ACKR2: variants seen among roughly 807,000 people sequenced by gnomAD.
ACKR2 encodes atypical chemokine receptor 2.
For synonymous variants in ACKR2, 207 were observed against 192.2 expected, an observed-to-expected ratio of 1.08 and a Z score of -0.64; for missense variants, 457 against 477.3, an observed-to-expected ratio of 0.96 and a Z score of 0.40.
intron 1 of ACKR2, among the ~76,000 whole-genome samples, chr3:42,810,415 C>G: frequency 6.6e-6 from 1 of 151,888 alleles, no homozygotes; most frequent in East Asian, 1.9e-4. Context: ...GTACCCCCCC[C>G]CAATTTTTCT....
intron 2 of ACKR2, among the ~76,000 whole-genome samples, chr3:42,822,627 T>C (rs1485563542): frequency 6.6e-6 from 1 of 151,792 alleles, no homozygotes; most frequent in Non-Finnish European, 1.5e-5. Flanking sequence ...CCAAGGCAGG[T>C]GGACTACTTG....
intron 2 of ACKR2, among the ~76,000 whole-genome samples, chr3:42,832,429 C>T (rs992888636): frequency 6.6e-6 from 1 of 151,778 alleles, no homozygotes; most frequent in Admixed American, 6.6e-5. Context: ...GCAGAGGTTG[C>T]AGTGAGCTGA....
intron 1 of ACKR2, among the ~76,000 whole-genome samples, chr3:42,809,869 A>C (rs1700677367): frequency 6.6e-6 from 1 of 152,106 alleles, no homozygotes; most frequent in Admixed American, 6.6e-5. Flanking sequence ...CTCAAAAAAA[A>C]AAAAAAAGTT....
chr3:42,821,017 T>C (rs1337517081), intron 2 of ACKR2, among the ~76,000 whole-genome samples: 1 of 152,102 alleles, frequency 6.6e-6, no homozygotes, highest in African/African-American at 2.4e-5. Context: ...CCCGAGTAGC[T>C]GGGATTACAG....
chr3:42,817,072 C>T (rs990095156), intron 1 of ACKR2, among the ~76,000 whole-genome samples: 7 of 152,110 alleles, frequency 4.6e-5, no homozygotes, highest in African/African-American at 1.7e-4. Flanking sequence ...TTCATCAACA[C>T]AATGGGGATA....
At chr3:42,847,912 C>T (rs995905008) in intron 2 of ACKR2, among the ~76,000 whole-genome samples, 1 of 152,118 alleles carries the variant, frequency 6.6e-6, no homozygotes, top group Non-Finnish European at 1.5e-5. Flanking sequence ...TTCAGGGAAA[C>T]GGGAAACCTA....
At chr3:42,830,680 TTTTTC>T (rs1700923120) in intron 2 of ACKR2, among the ~76,000 whole-genome samples, 1 of 141,156 alleles carries the variant, frequency 7.1e-6, no homozygotes, top group African/African-American at 2.5e-5. Flanking sequence ...AGTTCTGCCT[TTTTTC>T]TTTTCTTTTT....
intron 2 of ACKR2, among the ~76,000 whole-genome samples, chr3:42,847,472 T>A (rs1453622989): frequency 6.6e-6 from 1 of 152,188 alleles, no homozygotes; most frequent in African/African-American, 2.4e-5. Flanking sequence ...CTAACCAGGC[T>A]TCTAAATTGG....
In ACKR2 at chr3:42,817,725, C is replaced by T. The variant is rs117655048; in HGVS notation, c.-118-1906C>T. Among the ~76,000 whole-genome samples the T allele has an allele frequency of 1.6e-3, 249 of 152,300 alleles. 4 individuals are homozygous for T. In the East Asian group the frequency reaches 0.042, roughly 25 times the overall value. The stretch of plus-strand genomic sequence containing the variant: ...ATCCCACATCTTCCCCCCAACCCAG[C>T]TCTCTCAACCCACTGGTTTCCATTC... On this transcript the variant is annotated intron_variant, in intron 1 of 2. Coordinates refer to ENST00000422265, the MANE Select transcript of ACKR2 (RefSeq NM_001296.5).
intron 1 of ACKR2, among the ~76,000 whole-genome samples, chr3:42,814,308 A>C (rs1478737766): frequency 6.6e-6 from 1 of 152,228 alleles, no homozygotes; most frequent in Non-Finnish European, 1.5e-5. Flanking sequence ...AGAAGACTTA[A>C]CACATTATTT....
At chr3:42,820,657 T>C (rs1448510837) in intron 2 of ACKR2, among the ~76,000 whole-genome samples, 6 of 148,540 alleles carry the variant, frequency 4.0e-5, no homozygotes, top group African/African-American at 1.2e-4. Context: ...GCCACCAATG[T>C]CCTTGTGTTA....
At chr3:42,832,034 G>T (rs1349036641) in intron 2 of ACKR2, among the ~76,000 whole-genome samples, 3 of 152,178 alleles carry the variant, frequency 2.0e-5, no homozygotes, top group African/African-American at 7.2e-5. Flanking sequence ...TCATTGTATG[G>T]TTTAATGGTA....
At chr3:42,861,816 C>A (rs980189345) in intron 2 of ACKR2, among the ~76,000 whole-genome samples, 11 of 152,250 alleles carry the variant, frequency 7.2e-5, no homozygotes, top group African/African-American at 2.6e-4. Context: ...ATTCAACACC[C>A]CTTCATGCTA....
intron 1 of ACKR2, among the ~76,000 whole-genome samples, chr3:42,814,371 C>T (rs558952622): frequency 2.6e-5 from 4 of 152,278 alleles, no homozygotes; most frequent in African/African-American, 7.2e-5. Context: ...AGAAAGGCAG[C>T]ACAAAAAGTG....
chr3:42,863,872 TA>T lies in ACKR2; in HGVS notation c.-37-593del, dbSNP rs372508820. ...CTGGGCCTGTTGGGGGATTGGGGGCTAGGGGAGGGATAACATTAGAAGAAAT... is the reference window on the plus strand; with the variant it reads ...CTGGGCCTGTTGGGGGATTGGGGGCTGGGGAGGGATAACATTAGAAGAAAT... On this transcript the variant is annotated intron_variant, in intron 2 of 2. Coordinates refer to ENST00000422265, the MANE Select transcript of ACKR2 (RefSeq NM_001296.5). 9.6e-4 allele frequency among the ~76,000 whole-genome samples: 146 copies of T among 152,104 alleles called. 1 individual carries two copies. The East Asian group carries it at 0.026, about 27-fold the overall frequency.
chr3:42,839,544 G>A (rs978999993), intron 2 of ACKR2, among the ~76,000 whole-genome samples: 11 of 152,150 alleles, frequency 7.2e-5, no homozygotes, highest in Admixed American at 5.9e-4. Context: ...ACATAATGTT[G>A]AACAAATGAA....
At chr3:42,833,642 C>G (rs1700954653) in intron 2 of ACKR2, among the ~76,000 whole-genome samples, 1 of 151,772 alleles carries the variant, frequency 6.6e-6, no homozygotes, top group Non-Finnish European at 1.5e-5. Flanking sequence ...CTGTACTGCC[C>G]AGTTCTAGAA....
chr3:42,812,789 T>G (rs1700709342), intron 1 of ACKR2, among the ~76,000 whole-genome samples: 1 of 141,144 alleles, frequency 7.1e-6, no homozygotes, highest in Admixed American at 7.8e-5. Flanking sequence ...CAGGCTCAAG[T>G]GATCCTCTTG....
chr3:42,810,521 T>TA (rs952941970), intron 1 of ACKR2, among the ~76,000 whole-genome samples: 2 of 151,808 alleles, frequency 1.3e-5, no homozygotes, highest in African/African-American at 2.4e-5. Context: ...CTTTCCTTAT[T>TA]AAAAAAAAGA....
Sources: gnomAD v4.1 joint callset for allele counts (sites outside exome capture counted in the v4.1 genomes callset) on GRCh38, gnomAD v4.1.1 for gene constraint, MANE v1.5 for transcripts, NCBI Gene and HGNC (gene_info 2026-07-23, HGNC 2026-07-21) for gene names.